Variants in COA1 observed in about 807,000 individuals in gnomAD.
The protein encoded by COA1 is cytochrome c oxidase assembly factor 1 homolog.
Under a neutral mutation model 16.0 loss-of-function variants are expected in COA1, and 13 were observed. The ratio of observed to expected loss-of-function variants is 0.81; its 90% confidence interval spans 0.53 to 1.29. COA1 has a LOEUF of 1.29. COA1 is among the 50% of genes most tolerant of loss of function. COA1 has a pLI of 0.00. For synonymous variants in COA1, 65 were observed against 65.7 expected, an observed-to-expected ratio of 0.99 and a Z score of 0.05; for missense variants, 179 against 177.0, an observed-to-expected ratio of 1.01 and a Z score of -0.06.
chr7:43,650,591 T>C (rs1482347026), intron 1 of COA1: 1 of 151,860 alleles, frequency 6.6e-6, no homozygotes, highest in Non-Finnish European at 1.5e-5. Context: ...AGGTCCAGAG[T>C]GTCCGTGGGG....
At chr7:43,634,827 G>A (rs1035758558), downstream of COA1, among the ~76,000 whole-genome samples, 2 of 152,180 alleles carry the variant, frequency 1.3e-5, no homozygotes, top group Non-Finnish European at 2.9e-5. Flanking sequence ...CTTAGCCGTT[G>A]GCTCCTATTG....
At chr7:43,725,170 G>A (rs955892219) in intron 1 of COA1, among the ~76,000 whole-genome samples, 18 of 152,016 alleles carry the variant, frequency 1.2e-4, no homozygotes, top group Admixed American at 1.1e-3. Flanking sequence ...CCCGGGAGGT[G>A]GGGGTTGCGG....
At chr7:43,663,201 T>A (rs545753624) in intron 1 of COA1, among the ~76,000 whole-genome samples, 4 of 152,270 alleles carry the variant, frequency 2.6e-5, no homozygotes, top group African/African-American at 9.6e-5. Flanking sequence ...ATGTACCTGG[T>A]CCCACTTCAC....
intron 4 of COA1, chr7:43,642,108 A>G (rs1375217519): frequency 6.6e-6 from 1 of 152,242 alleles, no homozygotes; most frequent in East Asian, 1.9e-4. Flanking sequence ...GATTTGGAAC[A>G]TGGCTCCATA....
At chr7:43,646,594 G>A (rs755062080) in intron 3 of COA1, 90 of 456,628 alleles carry the variant, frequency 2.0e-4, no homozygotes, top group African/African-American at 1.5e-3. Context: ...AAGGGAGAAA[G>A]GCTGTCACAC....
intron 6 of COA1, among the ~76,000 whole-genome samples, chr7:43,614,406 G>A (rs983168768): frequency 1.3e-5 from 2 of 152,128 alleles, no homozygotes; most frequent in African/African-American, 4.8e-5. Context: ...TCTTTATAAT[G>A]AACTGGATTC....
chr7:43,683,819 CAA>C (rs1563356771), intron 1 of COA1, among the ~76,000 whole-genome samples: 1 of 152,084 alleles, frequency 6.6e-6, no homozygotes, highest in Non-Finnish European at 1.5e-5. Context: ...AAGAATTTGC[CAA>C]AGTTTTTATT....
chr7:43,635,487 C>T (rs963008220), downstream of COA1, among the ~76,000 whole-genome samples: 6 of 152,156 alleles, frequency 3.9e-5, no homozygotes, highest in African/African-American at 1.4e-4. Context: ...TGGAACATTA[C>T]CAATCTTAGG....
chr7:43,686,305 CTTTTTTTTTT>C (rs770784003), intron 1 of COA1, among the ~76,000 whole-genome samples: 2 of 126,110 alleles, frequency 1.6e-5, no homozygotes, highest in African/African-American at 5.9e-5. Context: ...GGCTTTGTTT[CTTTTTTTTTT>C]TTTTTTTTTG....
intron 1 of COA1, among the ~76,000 whole-genome samples, chr7:43,700,591 C>CGTGT (rs58589217): frequency 0.18 from 25,920 of 144,748 alleles, 2,487 homozygotes; most frequent in African/African-American, 0.25. Flanking sequence ...TGTATATATA[C>CGTGT]GTGTGTGTGT....
intron 1 of COA1, among the ~76,000 whole-genome samples, chr7:43,670,617 G>T (rs1410985545): frequency 6.6e-6 from 1 of 152,120 alleles, no homozygotes; most frequent in Admixed American, 6.5e-5. Context: ...GATTACACAT[G>T]CATATAAAAA....
At chr7:43,620,958 A>G (rs2083825926) in intron 6 of COA1, among the ~76,000 whole-genome samples, 1 of 152,158 alleles carries the variant, frequency 6.6e-6, no homozygotes, top group South Asian at 2.1e-4. Context: ...GTGAGCAAAT[A>G]CAGGCTAGAA....
At chr7:43,724,742 A>G (rs1346320037) in intron 1 of COA1, among the ~76,000 whole-genome samples, 1 of 152,254 alleles carries the variant, frequency 6.6e-6, no homozygotes, top group Non-Finnish European at 1.5e-5. Context: ...GAAAATTCCA[A>G]CACATGCCAC....
intron 1 of COA1, among the ~76,000 whole-genome samples, chr7:43,666,584 T>G (rs764741149): frequency 5.9e-5 from 9 of 152,136 alleles, no homozygotes; most frequent in Admixed American, 2.0e-4. Context: ...CTTCAAGAAA[T>G]AAAAACAGTC....
chr7:43,699,059 T>G (rs576781237), intron 1 of COA1, among the ~76,000 whole-genome samples: 1 of 152,286 alleles, frequency 6.6e-6, no homozygotes, highest in East Asian at 1.9e-4. Flanking sequence ...TTGGGAAAAC[T>G]CAGAACAGCG....
At position 43,647,567 on chromosome 7, in the gene COA1, C is replaced by CCGGCATAGAACACA; in HGVS notation, c.69_82dup (p.Gly28ValfsTer67). On this transcript the variant is annotated frameshift_variant, in exon 3 of 6. Transcript: ENST00000223336. LOFTEE classifies it high-confidence loss of function. ...GAGGTAATACACAATGGCAAAGCCCCCGGCATAGAACACACCGTGGAAAAG... is the reference window on the plus strand; with the variant it reads ...GAGGTAATACACAATGGCAAAGCCCCCGGCATAGAACACACGGCATAGAACACACCGTGGAAAAG... 6.2e-7 allele frequency: 1 copy of CCGGCATAGAACACA among 1,614,044 alleles called. No individual in the cohort carries two copies. Among genetic ancestry groups the CCGGCATAGAACACA allele is most frequent in the Non-Finnish European group, 8.5e-7 (1 of 1,179,900 alleles).
chr7:43,682,068 A>G (rs1174133854), intron 1 of COA1, among the ~76,000 whole-genome samples: 1 of 152,232 alleles, frequency 6.6e-6, no homozygotes, highest in Non-Finnish European at 1.5e-5. Flanking sequence ...ATGGGCTTTT[A>G]ATATGTAATA....
chr7:43,638,872 C>G (rs1386504297), downstream of COA1: 1 of 152,262 alleles, frequency 6.6e-6, no homozygotes, highest in Non-Finnish European at 1.5e-5. Flanking sequence ...CCACCACACC[C>G]AGCCAGATGC....
At chr7:43,699,643 C>G (rs1418252572) in intron 1 of COA1, among the ~76,000 whole-genome samples, 1 of 152,128 alleles carries the variant, frequency 6.6e-6, no homozygotes. Flanking sequence ...ATGTCCTACA[C>G]AGAAGCTTAT....
Sources: allele counts gnomAD v4.1 joint callset (sites outside exome capture counted in the v4.1 genomes callset), GRCh38; gene constraint gnomAD v4.1.1; transcripts MANE v1.5; gene names NCBI Gene and HGNC (gene_info 2026-07-23, HGNC 2026-07-21).